Variants in AP3B2 observed in about 807,000 individuals in gnomAD.
AP3B2 encodes AP-3 complex subunit beta-2.
Under a neutral mutation model 126.9 loss-of-function variants are expected in AP3B2, and 50 were observed. That is an observed-to-expected ratio of 0.39 (90% CI 0.31 to 0.50). The LOEUF (loss-of-function observed/expected upper bound fraction) is 0.50, where lower values mean the gene tolerates loss of function less well. Among genes scored for constraint, AP3B2 ranks in the 20% least tolerant of loss-of-function variants. The pLI is 0.79. For missense variants in AP3B2, 1,177 were observed against 1,426.4 expected (o/e 0.83, Z 2.82); for synonymous variants, 541 against 565.0 (o/e 0.96, Z 0.60).
chr15:82,693,193 C>T, intron 1 of AP3B2, among the ~76,000 whole-genome samples: 1 of 126,998 alleles, frequency 7.9e-6, no homozygotes, highest in South Asian at 3.1e-4. Flanking sequence ...CCCCCGCCCC[C>T]ACCCCCCCGC....
intron 9 of AP3B2, 95 bp from the exon 10 acceptor site, chr15:82,679,895 AT>A (rs975804054): frequency 3.3e-5 from 39 of 1,177,206 alleles, no homozygotes; most frequent in Middle Eastern, 2.0e-4. Flanking sequence ...AGCGCCCAGG[AT>A]CCTTGCCTCC....
chr15:82,698,954 A>T (rs967842072), intron 1 of AP3B2, among the ~76,000 whole-genome samples: 16 of 152,124 alleles, frequency 1.1e-4, no homozygotes, highest in African/African-American at 3.9e-4. Context: ...ACTGACACAG[A>T]CCGCAGCCAC....
chr15:82,687,606 A>G (rs2048451520), intron 4 of AP3B2: 1 of 152,238 alleles, frequency 6.6e-6, no homozygotes, highest in Non-Finnish European at 1.5e-5. Flanking sequence ...TATTTACTAA[A>G]TGAATGAATT....
intron 1 of AP3B2, chr15:82,698,053 A>G (rs1275283403): frequency 6.6e-6 from 1 of 152,378 alleles, no homozygotes; most frequent in African/African-American, 2.4e-5. Context: ...AGGATCCTTC[A>G]TACGCACACC....
In AP3B2 at chr15:82,681,517, T is replaced by C; in HGVS notation, c.424A>G (p.Ile142Val). The change falls in exon 5 of 27, where the codon ATA becomes GTA. Residue 142 changes from isoleucine to valine, a missense_variant. By Grantham distance (29) the Ile-to-Val change is conservative (BLOSUM62 3). This residue lies in a region of AP3B2 where 130 missense variants were observed against 262.0 expected (regional missense o/e 0.50). Transcript: ENST00000535359. The surrounding 1 kb of genome is among the most constrained non-coding windows in gnomAD (Gnocchi z 4.0). ...RVLSSIRVPI[I>V]VPIMMLAIKE... ...ATAGCTAGCATCATGATGGGCACTA[T>C]GATGGGCACACGGATGCTAGAGAGG... is the stretch of plus-strand genomic sequence containing the variant. 1 of 1,613,956 alleles carries C rather than the reference T, an allele frequency of 6.2e-7. No individual in the cohort carries two copies. The highest frequency in any genetic ancestry group is 8.5e-7 in the Non-Finnish European group (1 of 1,179,890).
Position 82,661,820 on chromosome 15 carries a change from C to T in AP3B2, c.3016+5G>A. The stretch of plus-strand genomic sequence containing the variant: ...CCTCTCTGCCCACTCCCAGGGAGCA[C>T]TCACCCTGTTCCTTCTTAAACTCAT... On this transcript the variant is annotated splice_donor_5th_base_variant and intron_variant, in intron 25 of 26. Coordinates refer to ENST00000535359, the MANE Select transcript of AP3B2 (RefSeq NM_001278512.2). The T allele has an allele frequency of 1.2e-6, 2 of 1,610,066 alleles. No individual in the cohort carries two copies. The highest frequency in any genetic ancestry group is 8.5e-7 in the Non-Finnish European group (1 of 1,177,788).
At chr15:82,678,024 T>G in intron 11 of AP3B2, 81 bp downstream of exon 11, 1 of 1,509,928 alleles carries the variant, frequency 6.6e-7, no homozygotes, top group South Asian at 1.2e-5. Context: ...CTTGGGCTCA[T>G]AAGAGGAGGT....
intron 1 of AP3B2, chr15:82,699,860 G>A: frequency 2.5e-6 from 1 of 399,808 alleles, no homozygotes; most frequent in Non-Finnish European, 4.4e-6. Context: ...CCCGGGAGCT[G>A]CAGGAATCGC....
At chr15:82,688,461 A>C (rs1447070326) in intron 4 of AP3B2, 2 of 702,336 alleles carry the variant, frequency 2.8e-6, no homozygotes, top group Non-Finnish European at 2.6e-6. Context: ...CCGGGGGCTC[A>C]AGTGGTTCAT....
chr15:82,704,871 C>T (rs2151462949), intron 1 of AP3B2, among the ~76,000 whole-genome samples: 1 of 152,348 alleles, frequency 6.6e-6, no homozygotes, highest in South Asian at 2.1e-4. Context: ...AGGCCTGTTT[C>T]CTTTGCCTCC....
intron 14 of AP3B2, among the ~76,000 whole-genome samples, chr15:82,670,380 G>A (rs2048136516): frequency 6.6e-6 from 1 of 152,186 alleles, no homozygotes; most frequent in Non-Finnish European, 1.5e-5. Context: ...AAGATGCTGG[G>A]ATTACAGGCA....
At chr15:82,693,813 G>A (rs1262656934) in intron 1 of AP3B2, among the ~76,000 whole-genome samples, 3 of 151,956 alleles carry the variant, frequency 2.0e-5, no homozygotes, top group African/African-American at 7.3e-5. Flanking sequence ...CAATTCTCCT[G>A]CCTCAGCCTC....
intron 13 of AP3B2, 115 bp downstream of exon 13, chr15:82,677,159 T>A: frequency 1.1e-6 from 1 of 880,906 alleles, no homozygotes; most frequent in Non-Finnish European, 1.8e-6. Flanking sequence ...TCCTTCCACC[T>A]GAAGACCTAA....
chr15:82,665,571 C>T lies in AP3B2; in HGVS notation c.1857G>A (p.Arg619=). ...ACAGTGAGCCCAGCTGGAAGTGGTC[C>T]CGGTCTAGGGATAGGTTTAGAGGTC... The part of the protein sequence containing the change: ...APVLESSFKD[R]DHFQLGSLSH... The change falls in exon 16 of 27, where the codon CGG becomes CGA. Residue 619 remains arginine, a synonymous_variant. Coordinates refer to ENST00000535359, the MANE Select transcript of AP3B2 (RefSeq NM_001278512.2). The surrounding 1 kb of genome is among the most constrained non-coding windows in gnomAD (Gnocchi z 4.4). 6.2e-7 allele frequency: 1 copy of T among 1,612,742 alleles called. No homozygotes were observed. Among genetic ancestry groups the T allele is most frequent in the Non-Finnish European group, 8.5e-7 (1 of 1,178,918 alleles).
In AP3B2 at chr15:82,689,689, C is replaced by G. The variant is rs150716338; in HGVS notation, c.114-236G>C. 207 of 549,886 alleles carry G rather than the reference C, an allele frequency of 3.8e-4. 2 individuals carry two copies. In the East Asian group the frequency reaches 5.5e-3, roughly 15 times the overall value. 34.1% of individuals were successfully genotyped at this position (549,886 alleles called of 1,614,324 possible). A position where few individuals can be genotyped will look rare whatever the true frequency, so the allele number is the denominator to read the frequency against. On this transcript the variant is annotated intron_variant, in intron 1 of 26. Coordinates refer to ENST00000535359, the MANE Select transcript of AP3B2 (RefSeq NM_001278512.2). ...AAAAAGGATATATTTAAGTCTTAAC[C>G]CCTAGTACCTCAGAATGTAACCTTA...
rs1314553097 is a variant in AP3B2, at chr15:82,677,287, G to A, written c.1475C>T (p.Thr492Ile). 1.1e-5 allele frequency: 17 copies of A among 1,613,246 alleles called. No homozygotes were observed. The Admixed American group carries it at 1.8e-4, about 17-fold the overall frequency. Reference protein sequence around the residue: ...GEIIKHLAKLTDNIQVPMARA... With the variant: ...GEIIKHLAKLIDNIQVPMARA... ...CTTCTCCCTCACCTGGATGTTGTCTGTAAGCTTTGCCAAGTGTTTGATGAT... is the reference window on the plus strand; with the variant it reads ...CTTCTCCCTCACCTGGATGTTGTCTATAAGCTTTGCCAAGTGTTTGATGAT... Residue 492 changes from threonine (T) to isoleucine (I), a missense_variant, in exon 13 of 27, where the codon ACA (threonine) becomes ATA (isoleucine). Physicochemically the swap from Thr to Ile is moderately conservative, Grantham distance 89 (BLOSUM62 -1). Around this residue, in one of 5 missense-constraint regions of AP3B2, gnomAD observed 308 missense variants for 452.4 expected, o/e 0.68. Coordinates refer to ENST00000535359, the MANE Select transcript of AP3B2 (RefSeq NM_001278512.2).
intron 1 of AP3B2, among the ~76,000 whole-genome samples, chr15:82,690,796 G>A (rs1354158696): frequency 6.6e-6 from 1 of 151,730 alleles, no homozygotes; most frequent in Non-Finnish European, 1.5e-5. Context: ...TGGGACTACA[G>A]GTACCCGCCA....
chr15:82,691,624 AT>A, intron 1 of AP3B2: 1 of 982,400 alleles, frequency 1.0e-6, no homozygotes, highest in East Asian at 3.0e-5. Context: ...AATTAAAATA[AT>A]TTCCTAAGAC....
At chr15:82,674,575 A>G (rs2048213058) in intron 14 of AP3B2, among the ~76,000 whole-genome samples, 1 of 152,104 alleles carries the variant, frequency 6.6e-6, no homozygotes, top group African/African-American at 2.4e-5. Flanking sequence ...TAAAATGTTT[A>G]TTTTTGTCCT....
Sources: allele counts gnomAD v4.1 joint callset (sites outside exome capture counted in the v4.1 genomes callset), GRCh38; gene constraint gnomAD v4.1.1; regional missense constraint gnomAD v4.1.1; non-coding constraint Gnocchi (gnomAD v3.1); transcripts MANE v1.5; gene names NCBI Gene and HGNC (gene_info 2026-07-23, HGNC 2026-07-21).